Variants in VPS52 observed in about 807,000 individuals in gnomAD.
The protein encoded by VPS52 is vacuolar protein sorting-associated protein 52 homolog.
A neutral mutation model predicts 98.7 loss-of-function variants in VPS52; 56 were observed. The ratio of observed to expected loss-of-function variants is 0.57; its 90% CI spans 0.46 to 0.71. The LOEUF (loss-of-function observed/expected upper bound fraction) is 0.71. VPS52 is among the 30% of genes least tolerant of loss of function. VPS52 has a pLI of 0.00. For missense variants in VPS52, 742 were observed against 925.9 expected, an observed-to-expected ratio of 0.80 and a Z score of 2.58; for synonymous variants, 348 against 346.4, an observed-to-expected ratio of 1.00 and a Z score of -0.05.
chr6:33,252,978 A>G (rs1031315951), intron 17 of VPS52, among the ~76,000 whole-genome samples: 6 of 152,190 alleles, frequency 3.9e-5, no homozygotes, highest in African/African-American at 1.4e-4. Flanking sequence ...CTTTCCATCT[A>G]ATTACACACT....
At position 33,267,206 on chromosome 6, in the gene VPS52, C is replaced by T. The variant is rs201302406; in HGVS notation, c.1107G>A (p.Ala369=). The part of the protein sequence containing the change: ...LEAPILVPHT[A]QRGEQRYPFE... ...CTCATACCCTCTGCTCTCCGCGCTG[C>T]GCTGTGTGAGGCACCAGGATGGGGG... is the stretch of plus-strand genomic sequence containing the variant. Residue 369 remains alanine, a synonymous_variant, in exon 11 of 20, where the codon GCG becomes GCA. Coordinates refer to ENST00000445902, the MANE Select transcript of VPS52 (RefSeq NM_022553.6). The surrounding 1 kb of genome is among the most constrained non-coding windows in gnomAD (Gnocchi z 4.2). 2.5e-5 allele frequency: 40 copies of T among 1,569,438 alleles called. No homozygotes were observed. In the East Asian group the frequency reaches 3.2e-4, roughly 13 times the overall value.
chr6:33,254,330 A>G (rs1351308264), intron 17 of VPS52, among the ~76,000 whole-genome samples: 1 of 152,188 alleles, frequency 6.6e-6, no homozygotes, highest in East Asian at 1.9e-4. Context: ...TTCTTCCCTC[A>G]AAATATTCAC....
chr6:33,262,282 A>G (rs546781391), intron 17 of VPS52, among the ~76,000 whole-genome samples: 98 of 152,268 alleles, frequency 6.4e-4, no homozygotes, highest in Non-Finnish European at 1.1e-3. Context: ...GCTCACCATC[A>G]CTATTATCAG....
Position 33,264,052 on chromosome 6 carries a change from T to C in VPS52, c.1576A>G (p.Thr526Ala), listed in dbSNP as rs1184578802. ...TGCATGGTCCGTTCATTAGGAATTGTCTGGTTGATACTGACAAGAGCGGAG... is the reference window on the plus strand; with the variant it reads ...TGCATGGTCCGTTCATTAGGAATTGCCTGGTTGATACTGACAAGAGCGGAG... ...FSSALVSINQ[T>A]IPNERTMQLL... The change falls in exon 15 of 20, where the codon ACA becomes GCA. Residue 526 changes from threonine to alanine, a missense_variant. Around this residue, in one of 2 missense-constraint regions of VPS52, gnomAD observed 590 missense variants for 793.3 expected, o/e 0.74. Coordinates refer to ENST00000445902, the MANE Select transcript of VPS52 (RefSeq NM_022553.6). 1.2e-6 allele frequency: 2 copies of C among 1,614,208 alleles called. No homozygotes were observed. The highest frequency in any genetic ancestry group is 1.7e-6 in the Non-Finnish European group (2 of 1,180,036).
Position 33,250,625 on chromosome 6 carries a change from CT to C in VPS52, c.*215del. ...TTTTGGAAGCCCACAGGGAAGTGGT[CT>C]TGGGAAACCTGAAGACACTGGGATA... On this transcript the variant is annotated 3_prime_UTR_variant, in exon 20 of 20. Coordinates refer to ENST00000445902, the MANE Select transcript of VPS52 (RefSeq NM_022553.6). 1.7e-6 allele frequency: 1 copy of C among 586,718 alleles called. No homozygotes were observed. The highest frequency in any genetic ancestry group is 2.9e-6 in the Non-Finnish European group (1 of 346,946). The allele number at this position is 586,718 out of a possible 1,614,324, so 36.3% of individuals were successfully genotyped here. A position where few individuals can be genotyped will look rare whatever the true frequency, so the allele number is the denominator to read the frequency against.
At position 33,267,866 on chromosome 6, in the gene VPS52, T is replaced by A. The variant is rs1428847632; in HGVS notation, c.932A>T (p.Gln311Leu). ...AATACCTCTCCCTCCTGACCTTACC[T>A]GCACCTTCATGAGCCGCCCCAGGTA... The part of the protein sequence containing the change: ...RSYLGRLMKV[Q>L]YEEVAEKDDL... Residue 311 changes from glutamine to leucine, a missense_variant and splice_region_variant, in exon 9 of 20, where the codon CAG becomes CTG. Physicochemically the swap from Gln to Leu is moderately radical, Grantham distance 113. Transcript: ENST00000445902. The surrounding 1 kb of genome is among the most constrained non-coding windows in gnomAD (Gnocchi z 4.2). The A allele has an allele frequency of 6.2e-7, 1 of 1,612,978 alleles. No homozygotes were observed. Among genetic ancestry groups the A allele is most frequent in the Non-Finnish European group, 8.5e-7 (1 of 1,180,042 alleles).
chr6:33,266,279 C>T (rs1467526089), intron 12 of VPS52, among the ~76,000 whole-genome samples: 1 of 151,294 alleles, frequency 6.6e-6, no homozygotes, highest in African/African-American at 2.4e-5. Flanking sequence ...GCTGTGACCA[C>T]AGGCACACAT....
intron 17 of VPS52, 59 bp from the exon 18 acceptor site, chr6:33,252,030 C>G: frequency 1.4e-6 from 2 of 1,426,424 alleles, no homozygotes; most frequent in Non-Finnish European, 2.0e-6. Flanking sequence ...TTGCCCAATT[C>G]TGGCATCATG....
At position 33,268,476 on chromosome 6, in the gene VPS52, G is replaced by C. The variant is rs950777939; in HGVS notation, c.699+23C>G. ...GGAAGGCTGCTTCCAGTAGCCTCCA[G>C]GGTATCCATCCCTACTTCCCACCTT... On this transcript the variant is annotated intron_variant, in intron 7 of 19. Transcript: ENST00000445902. This position sits in a 1 kb window ranked among gnomAD's most constrained non-coding sequence, Gnocchi z 4.0. 7.6e-6 allele frequency: 12 copies of C among 1,575,670 alleles called. No individual in the cohort carries two copies. Among genetic ancestry groups the C allele is most frequent in the African/African-American group, 4.1e-5 (3 of 73,832 alleles).
chr6:33,256,463 C>CAAAAAAAAAA lies in VPS52; in HGVS notation c.1795-4502_1795-4493dup, dbSNP rs9280385. 6.6e-4 allele frequency among the ~76,000 whole-genome samples: 55 copies of CAAAAAAAAAA among 83,726 alleles called. 2 individuals carry two copies. Among genetic ancestry groups the CAAAAAAAAAA allele is most frequent in the Middle Eastern group, 5.4e-3 (1 of 186 alleles). The allele number at this position is 83,726 out of a possible 152,430, so 54.9% of individuals were successfully genotyped here. ...CTGAGTGACAGAGCAAAACCTGTCT[C>CAAAAAAAAAA]AAAAAAAAAAAAAAAAAAAAAAAAA... On this transcript the variant is annotated intron_variant, in intron 17 of 19. Coordinates refer to ENST00000445902, the MANE Select transcript of VPS52 (RefSeq NM_022553.6).
At position 33,268,000 on chromosome 6, in the gene VPS52, AG is replaced by A. The variant is rs1410841094; in HGVS notation, c.801-4del. On this transcript the variant is annotated splice_region_variant and splice_polypyrimidine_tract_variant and intron_variant, in intron 8 of 19. Coordinates refer to ENST00000445902, the MANE Select transcript of VPS52 (RefSeq NM_022553.6). This position sits in a 1 kb window ranked among gnomAD's most constrained non-coding sequence, Gnocchi z 4.2. The stretch of plus-strand genomic sequence containing the variant: ...CCAGCAGAAACTGATAGAAGAACCT[AG>A]GGGGTCAGGAACATGTCAGTCTACC... The A allele has an allele frequency of 1.2e-6, 2 of 1,612,968 alleles. No individual in the cohort carries two copies. The highest frequency in any genetic ancestry group is 1.1e-5 in the South Asian group (1 of 91,072).
Position 33,268,894 on chromosome 6 carries a change from G to A in VPS52, c.548+120C>T, listed in dbSNP as rs980216135. The stretch of plus-strand genomic sequence containing the variant: ...ACCTAAAGAAATGGTGGTTAACCTG[G>A]CTACTAATTTCTAAAAAGCACTTAA... On this transcript the variant is annotated intron_variant, in intron 6 of 19. Transcript: ENST00000445902. This position sits in a 1 kb window ranked among gnomAD's most constrained non-coding sequence, Gnocchi z 4.0. 6 of 1,343,748 alleles carry A rather than the reference G, an allele frequency of 4.5e-6. No individual in the cohort carries two copies. In the African/African-American group the frequency reaches 5.9e-5, roughly 13 times the overall value. 83.2% of individuals were successfully genotyped at this position (1,343,748 alleles called of 1,614,324 possible).
At chr6:33,259,035 T>G (rs1307111385) in intron 17 of VPS52, among the ~76,000 whole-genome samples, 1 of 152,176 alleles carries the variant, frequency 6.6e-6, no homozygotes, top group Non-Finnish European at 1.5e-5. Flanking sequence ...ACACAGATAC[T>G]CTGCTTTGCC....
intron 17 of VPS52, among the ~76,000 whole-genome samples, chr6:33,260,852 T>G (rs1266217622): frequency 6.6e-6 from 1 of 151,764 alleles, no homozygotes; most frequent in East Asian, 1.9e-4. Flanking sequence ...AATACAAAAA[T>G]TAGCTGGACA....
rs72881297 is a variant in VPS52, at chr6:33,257,734, G to A, written c.1794+5750C>T. ...TTAAACAGGACAAAAATAGTCAGGCGTGGTAGATGGTGGCTGTAAGCCCAG... is the reference window on the plus strand; with the variant it reads ...TTAAACAGGACAAAAATAGTCAGGCATGGTAGATGGTGGCTGTAAGCCCAG... On this transcript the variant is annotated intron_variant, in intron 17 of 19. Transcript: ENST00000445902. Among the ~76,000 whole-genome samples the A allele has an allele frequency of 3.3e-3, 501 of 152,316 alleles. 5 individuals are homozygous for A. Among genetic ancestry groups the A allele is most frequent in the Non-Finnish European group, 6.1e-3 (412 of 68,018 alleles).
chr6:33,266,846 GCTGT>G (rs1384868367), intron 11 of VPS52, 134 bp from the exon 12 acceptor site: 6 of 1,226,488 alleles, frequency 4.9e-6, no homozygotes, highest in Middle Eastern at 2.9e-4. Context: ...CTAGGTCCGG[GCTGT>G]CTAAGAGCAA....
chr6:33,264,582 G>T, intron 13 of VPS52, 85 bp from the exon 14 acceptor site: 1 of 1,584,822 alleles, frequency 6.3e-7, no homozygotes, highest in Non-Finnish European at 8.6e-7. Context: ...TCAGTTTAAT[G>T]GTCAATAGCT....
chr6:33,270,602 C>T (rs1190784454), intron 1 of VPS52, among the ~76,000 whole-genome samples: 1 of 152,126 alleles, frequency 6.6e-6, no homozygotes, highest in African/African-American at 2.4e-5. Flanking sequence ...CAAGGTCAAC[C>T]TGGGTAACAC....
chr6:33,271,592 G>A lies in VPS52; in HGVS notation c.84C>T (p.Gly28=), dbSNP rs1248699272. ...AGTSDMEEEE[G]PLAGGPGLQE... ...AACAGCTCCGCGCTCTCACCAGCGG[G>A]CCCTCTTCCTCCTCCATATCTGAGG... The change falls in exon 1 of 20, where the codon GGC becomes GGT. Residue 28 remains glycine, a synonymous_variant. Coordinates refer to ENST00000445902, the MANE Select transcript of VPS52 (RefSeq NM_022553.6). 6.2e-7 allele frequency: 1 copy of A among 1,606,292 alleles called. No homozygotes were observed. The highest frequency in any genetic ancestry group is 8.5e-7 in the Non-Finnish European group (1 of 1,176,758).
Sources: gnomAD v4.1 joint callset for allele counts (sites outside exome capture counted in the v4.1 genomes callset) on GRCh38, gnomAD v4.1.1 for gene constraint, gnomAD v4.1.1 regional missense constraint, Gnocchi (gnomAD v3.1) non-coding constraint, MANE v1.5 for transcripts, NCBI Gene and HGNC (gene_info 2026-07-23, HGNC 2026-07-21) for gene names.